KLHL32: variants seen among roughly 807,000 people sequenced by gnomAD.
The protein encoded by KLHL32 is kelch-like protein 32.
Under a neutral mutation model 64.8 loss-of-function variants are expected in KLHL32, and 35 were observed. That is an observed-to-expected ratio of 0.54 (90% CI 0.41 to 0.72). The LOEUF (loss-of-function observed/expected upper bound fraction) is 0.72. Among genes scored for constraint, KLHL32 ranks in the 30% least tolerant of loss-of-function variants. The pLI is 0.00. For synonymous variants in KLHL32, 259 were observed against 281.0 expected (o/e 0.92, Z 0.78); for missense variants, 589 against 768.5 (o/e 0.77, Z 2.76).
At chr6:96,935,597 C>G (rs1770498468) in intron 1 of KLHL32, among the ~76,000 whole-genome samples, 4 of 152,120 alleles carry the variant, frequency 2.6e-5, no homozygotes, top group African/African-American at 9.7e-5. Flanking sequence ...ATTGGGCCAT[C>G]CAGCCAAAAT....
intron 7 of KLHL32, among the ~76,000 whole-genome samples, chr6:97,125,656 A>C (rs1018555001): frequency 2.0e-5 from 3 of 152,188 alleles, no homozygotes; most frequent in African/African-American, 7.2e-5. Flanking sequence ...TGATTAGGCC[A>C]TCTGTGTTTG....
At chr6:97,000,646 A>G (rs1187800499) in intron 3 of KLHL32, among the ~76,000 whole-genome samples, 1 of 152,238 alleles carries the variant, frequency 6.6e-6, no homozygotes, top group African/African-American at 2.4e-5. Flanking sequence ...TAGACATCAA[A>G]TAAAACTTGC....
At chr6:97,017,782 A>G (rs964311288) in intron 3 of KLHL32, among the ~76,000 whole-genome samples, 15 of 152,168 alleles carry the variant, frequency 9.9e-5, no homozygotes, top group Non-Finnish European at 1.8e-4. Context: ...TATGACTAGA[A>G]GGACACAATG....
At chr6:97,032,681 G>A (rs1348084487) in intron 3 of KLHL32, among the ~76,000 whole-genome samples, 1 of 146,130 alleles carries the variant, frequency 6.8e-6, no homozygotes. Flanking sequence ...CAACTTGGAA[G>A]ATCTGAAAAA....
chr6:96,906,745 G>A, the KLHL32 span, among the ~76,000 whole-genome samples: 2 of 152,160 alleles, frequency 1.3e-5, no homozygotes, highest in Admixed American at 1.3e-4. Context: ...TTCAGAGGCT[G>A]AATAAGTATA....
intron 3 of KLHL32, among the ~76,000 whole-genome samples, chr6:96,990,691 C>G (rs1379923803): frequency 1.3e-5 from 2 of 150,438 alleles, no homozygotes; most frequent in Non-Finnish European, 2.9e-5. Context: ...CAGAGAAATA[C>G]GGAGCTGCTA....
At chr6:97,133,856 G>A (rs1269331658) in intron 10 of KLHL32, among the ~76,000 whole-genome samples, 1 of 152,130 alleles carries the variant, frequency 6.6e-6, no homozygotes, top group East Asian at 1.9e-4. Flanking sequence ...TGAGCAGTTG[G>A]AAAGACTGTA....
At chr6:96,921,298 A>G (rs918150326), upstream of KLHL32, among the ~76,000 whole-genome samples, 1 of 152,242 alleles carries the variant, frequency 6.6e-6, no homozygotes, top group Non-Finnish European at 1.5e-5. Flanking sequence ...ACAGCATTTG[A>G]TATCACAGAA....
At chr6:97,031,377 C>T (rs1783518436) in intron 3 of KLHL32, among the ~76,000 whole-genome samples, 1 of 151,680 alleles carries the variant, frequency 6.6e-6, no homozygotes, top group Admixed American at 6.6e-5. Context: ...ACTCTTTTGC[C>T]CAAGCTGGAG....
At chr6:96,995,983 G>A (rs77462006) in intron 3 of KLHL32, among the ~76,000 whole-genome samples, 3,657 of 152,320 alleles carry the variant, frequency 0.024, 62 homozygotes, top group Non-Finnish European at 0.036. Context: ...AGGAAGTATT[G>A]AAACAGAGAT....
At chr6:97,133,230 T>A (rs1799631496) in intron 10 of KLHL32, among the ~76,000 whole-genome samples, 1 of 152,236 alleles carries the variant, frequency 6.6e-6, no homozygotes, top group Non-Finnish European at 1.5e-5. Flanking sequence ...GGACAGCCTC[T>A]GTCCCAAAGA....
intron 1 of KLHL32, among the ~76,000 whole-genome samples, chr6:96,952,202 G>A (rs1582455283): frequency 2.0e-5 from 3 of 152,190 alleles, no homozygotes; most frequent in African/African-American, 4.8e-5. Context: ...ACCTTGAACT[G>A]GAATAATTGG....
chr6:96,960,389 T>C (rs944754118), intron 1 of KLHL32, among the ~76,000 whole-genome samples: 2 of 152,200 alleles, frequency 1.3e-5, no homozygotes, highest in African/African-American at 4.8e-5. Context: ...CCTTTGATTA[T>C]CCTAAGATCG....
chr6:96,918,993 G>A, the KLHL32 span, among the ~76,000 whole-genome samples: 1 of 152,080 alleles, frequency 6.6e-6, no homozygotes, highest in Non-Finnish European at 1.5e-5. Context: ...TTCCTTGGGG[G>A]AAGTCCTCCT....
chr6:97,124,942 C>T (rs879781915), intron 7 of KLHL32, among the ~76,000 whole-genome samples: 6 of 152,188 alleles, frequency 3.9e-5, no homozygotes, highest in Non-Finnish European at 8.8e-5. Flanking sequence ...TTTTGACACA[C>T]ATCTTGACTA....
At chr6:97,126,136 C>A (rs537713006) in intron 7 of KLHL32, among the ~76,000 whole-genome samples, 1 of 151,904 alleles carries the variant, frequency 6.6e-6, no homozygotes, top group Non-Finnish European at 1.5e-5. Context: ...TTTTTTTAGT[C>A]GGGCTTAATT....
chr6:97,097,657 G>T (rs1278714047), intron 6 of KLHL32, among the ~76,000 whole-genome samples: 1 of 151,542 alleles, frequency 6.6e-6, no homozygotes, highest in Non-Finnish European at 1.5e-5. Context: ...TTTTCAAATG[G>T]AGCTCAAAGG....
Position 97,130,708 on chromosome 6 carries a change from G to A in KLHL32, c.1414-49G>A, listed in dbSNP as rs757247058. The A allele has an allele frequency of 8.0e-6, 12 of 1,498,754 alleles. No individual in the cohort carries two copies. The South Asian group carries it at 1.6e-4, about 19-fold the overall frequency. The allele number at this position is 1,498,754 out of a possible 1,614,324, so 92.8% of individuals were successfully genotyped here. A position where few individuals can be genotyped will look rare whatever the true frequency, so the allele number is the denominator to read the frequency against. ...TATGAGGCACTCGTTGCTGTTTTCTGACATGGAGGTCTCCTACTAACAGAA... is the reference window on the plus strand; with the variant it reads ...TATGAGGCACTCGTTGCTGTTTTCTAACATGGAGGTCTCCTACTAACAGAA... On this transcript the variant is annotated intron_variant, in intron 8 of 10. Coordinates refer to ENST00000369261, the MANE Select transcript of KLHL32 (RefSeq NM_052904.4).
intron 7 of KLHL32, among the ~76,000 whole-genome samples, chr6:97,124,466 A>G (rs1450252635): frequency 2.0e-5 from 3 of 152,200 alleles, no homozygotes; most frequent in Non-Finnish European, 4.4e-5. Flanking sequence ...TCTGAAAAGC[A>G]TAGAGATAAA....
Sources: allele counts gnomAD v4.1 joint callset (sites outside exome capture counted in the v4.1 genomes callset), GRCh38; gene constraint gnomAD v4.1.1; transcripts MANE v1.5; gene names NCBI Gene and HGNC (gene_info 2026-07-23, HGNC 2026-07-21).